SLC32A1: variants seen among roughly 807,000 people sequenced by gnomAD.
SLC32A1 encodes vesicular inhibitory amino acid transporter.
Under a neutral mutation model 35.5 loss-of-function variants are expected in SLC32A1, and 8 were observed. The ratio of observed to expected loss-of-function variants is 0.23; its 90% confidence interval spans 0.13 to 0.41. The LOEUF is 0.41. Ranked by LOEUF, SLC32A1 falls within the 10% of genes least tolerant of loss-of-function variation. SLC32A1 has a pLI of 1.00. For synonymous variants in SLC32A1, 317 were observed against 326.3 expected, an observed-to-expected ratio of 0.97 and a Z score of 0.31; for missense variants, 493 against 722.3, an observed-to-expected ratio of 0.68 and a Z score of 3.64.
Position 38,724,582 on chromosome 20 carries a change from G to C in SLC32A1, c.-143G>C, listed in dbSNP as rs1210498711. ...AGAGAGCCTCGAACGCCAGCTGCGA[G>C]GGTCATGAGCCAGAGAGCCCCGGGG... On this transcript the variant is annotated 5_prime_UTR_variant, in exon 1 of 2. Transcript: ENST00000217420. 9.8e-7 allele frequency: 1 copy of C among 1,024,958 alleles called. No individual in the cohort carries two copies. Among genetic ancestry groups the C allele is most frequent in the African/African-American group, 1.6e-5 (1 of 61,126 alleles). 63.5% of individuals were successfully genotyped at this position (1,024,958 alleles called of 1,614,324 possible).
At position 38,728,759 on chromosome 20, in the gene SLC32A1, G is replaced by T; in HGVS notation, c.*120G>T. Reference sequence around the variant, plus strand: ...GGAGGCCAAGCTTTAAACATCTCTGGTTCCTAGTTTCTGATTATTCGGGGA... The same window carrying T: ...GGAGGCCAAGCTTTAAACATCTCTGTTTCCTAGTTTCTGATTATTCGGGGA... On this transcript the variant is annotated 3_prime_UTR_variant, in exon 2 of 2. Coordinates refer to ENST00000217420, the MANE Select transcript of SLC32A1 (RefSeq NM_080552.3). 1.9e-6 allele frequency: 1 copy of T among 521,012 alleles called. No homozygotes were observed. Among genetic ancestry groups the T allele is most frequent in the South Asian group, 2.1e-5 (1 of 48,632 alleles). The allele number at this position is 521,012 out of a possible 1,614,324, so 32.3% of individuals were successfully genotyped here.
Position 38,724,774 on chromosome 20 carries a change from C to T in SLC32A1, c.50C>T (p.Ser17Phe), listed in dbSNP as rs1336592004. ...SKLSNVATSVSNKSQAKMSGM... is the reference protein window; with the variant it reads ...SKLSNVATSVFNKSQAKMSGM... Reference sequence around the variant, plus strand: ...CTGTCCAACGTGGCCACGTCCGTGTCCAACAAGTCCCAGGCCAAGATGAGC... The same window carrying T: ...CTGTCCAACGTGGCCACGTCCGTGTTCAACAAGTCCCAGGCCAAGATGAGC... Residue 17 changes from serine to phenylalanine, a missense_variant, in exon 1 of 2, where the codon TCC (serine) becomes TTC (phenylalanine). Transcript: ENST00000217420. The T allele has an allele frequency of 1.9e-6, 3 of 1,613,784 alleles. No individual in the cohort carries two copies. The highest frequency in any genetic ancestry group is 2.5e-6 in the Non-Finnish European group (3 of 1,180,016).
In SLC32A1 at chr20:38,727,715, C is replaced by T. The variant is rs779013587; in HGVS notation, c.654C>T (p.Cys218=). Residue 218 remains cysteine, a synonymous_variant, in exon 2 of 2, where the codon TGC becomes TGT. Transcript: ENST00000217420. ...AGATCATCGAGCTGGTGATGACGTGCATCCTGTACGTGGTGGTGAGTGGCA... is the reference window on the plus strand; with the variant it reads ...AGATCATCGAGCTGGTGATGACGTGTATCCTGTACGTGGTGGTGAGTGGCA... ...VAQIIELVMT[C]ILYVVVSGNL... 4.3e-6 allele frequency: 7 copies of T among 1,614,226 alleles called. No individual in the cohort carries two copies. Among genetic ancestry groups the T allele is most frequent in the Non-Finnish European group, 5.9e-6 (7 of 1,180,044 alleles).
chr20:38,725,931 C>T (rs1466739499), intron 1 of SLC32A1, among the ~76,000 whole-genome samples: 1 of 152,252 alleles, frequency 6.6e-6, no homozygotes, highest in Non-Finnish European at 1.5e-5. Flanking sequence ...TCGCCCCTCT[C>T]GCCCGAAATC....
chr20:38,724,846 C>G lies in SLC32A1; in HGVS notation c.122C>G (p.Ala41Gly). Residue 41 changes from alanine (A) to glycine (G), a missense_variant, in exon 1 of 2, where the codon GCG (alanine) becomes GGG (glycine). Transcript: ENST00000217420. The part of the protein sequence containing the change: ...MGFQAATDEE[A>G]VGFAHCDDLD... ...TTTCAGGCGGCCACGGATGAGGAGG[C>G]GGTGGGCTTCGCGCATTGCGACGAC... 1 of 1,613,926 alleles carries G rather than the reference C, an allele frequency of 6.2e-7. No homozygotes were observed. Among genetic ancestry groups the G allele is most frequent in the Non-Finnish European group, 8.5e-7 (1 of 1,179,988 alleles).
In SLC32A1 at chr20:38,726,400, C is replaced by G. The variant is rs1219646368; in HGVS notation, c.391-1052C>G. ...AGACGGCCTTGCTGGATCACGGACCCGGGGCTGCTCCCGCCTTCGCTGTGC... is the reference window on the plus strand; with the variant it reads ...AGACGGCCTTGCTGGATCACGGACCGGGGGCTGCTCCCGCCTTCGCTGTGC... On this transcript the variant is annotated intron_variant, in intron 1 of 1. Transcript: ENST00000217420. This position sits in a 1 kb window ranked among gnomAD's most constrained non-coding sequence, Gnocchi z 4.7. Among the ~76,000 whole-genome samples, 1 of 152,166 alleles carries G rather than the reference C, an allele frequency of 6.6e-6. No individual in the cohort carries two copies.
intron 1 of SLC32A1, 132 bp downstream of exon 1, chr20:38,725,246 A>C: frequency 2.5e-6 from 3 of 1,178,026 alleles, no homozygotes; most frequent in South Asian, 2.1e-5. Flanking sequence ...CCCTTTCTCC[A>C]TCCCTCCCAG....
intron 1 of SLC32A1, among the ~76,000 whole-genome samples, chr20:38,727,035 C>G: frequency 6.6e-6 from 1 of 152,148 alleles, no homozygotes; most frequent in Non-Finnish European, 1.5e-5. Flanking sequence ...CTTAGAGCCC[C>G]TTTCCGACTA....
intron 1 of SLC32A1, among the ~76,000 whole-genome samples, chr20:38,727,087 A>T (rs1320521412): frequency 6.6e-6 from 1 of 151,502 alleles, no homozygotes; most frequent in Non-Finnish European, 1.5e-5. Context: ...CCAACTCCTC[A>T]TTCTGTTCCT....
rs371391027 is a variant in SLC32A1, at chr20:38,727,908, G to A, written c.847G>A (p.Ala283Thr). The A allele has an allele frequency of 6.2e-7, 1 of 1,614,120 alleles. No individual in the cohort carries two copies. The highest frequency in any genetic ancestry group is 8.5e-7 in the Non-Finnish European group (1 of 1,180,054). Residue 283 changes from alanine to threonine, a missense_variant, in exon 2 of 2, where the codon GCC becomes ACC. This residue lies in a region of SLC32A1 where 269 missense variants were observed against 445.6 expected (regional missense o/e 0.60). Coordinates refer to ENST00000217420, the MANE Select transcript of SLC32A1 (RefSeq NM_080552.3). The stretch of plus-strand genomic sequence containing the variant: ...CTTCGTCATCAATATCCTGGTCATA[G>A]CCTACTGTCTATCGCGGGCGCGCGA... ...AHFVINILVI[A>T]YCLSRARDWA...
Position 38,724,554 on chromosome 20 carries a change from C to G in SLC32A1, c.-171C>G. 1 of 844,260 alleles carries G rather than the reference C, an allele frequency of 1.2e-6. No homozygotes were observed. The highest frequency in any genetic ancestry group is 1.8e-6 in the Non-Finnish European group (1 of 562,130). The allele number at this position is 844,260 out of a possible 1,614,324, so 52.3% of individuals were successfully genotyped here. On this transcript the variant is annotated 5_prime_UTR_variant, in exon 1 of 2. Coordinates refer to ENST00000217420, the MANE Select transcript of SLC32A1 (RefSeq NM_080552.3). ...TGCTGCCAGCTTGCCCGGTCCAGCCCTGAGAGAGCCTCGAACGCCAGCTGC... is the reference window on the plus strand; with the variant it reads ...TGCTGCCAGCTTGCCCGGTCCAGCCGTGAGAGAGCCTCGAACGCCAGCTGC...
At position 38,725,075 on chromosome 20, in the gene SLC32A1, G is replaced by T; in HGVS notation, c.351G>T (p.Thr117=). Residue 117 remains threonine (T), a synonymous_variant, in exon 1 of 2, where the codon ACG becomes ACT. Transcript: ENST00000217420. ...EFGGHDKPKI[T]AWEAGWNVTN... is the part of the protein sequence containing the mutation. ...GGGGCCACGACAAGCCCAAAATCAC[G>T]GCGTGGGAGGCAGGCTGGAACGTGA... 5.3e-6 allele frequency: 8 copies of T among 1,518,866 alleles called. No homozygotes were observed. The highest frequency in any genetic ancestry group is 6.2e-6 in the Non-Finnish European group (7 of 1,134,808). 94.1% of individuals were successfully genotyped at this position (1,518,866 alleles called of 1,614,324 possible). A position where few individuals can be genotyped will look rare whatever the true frequency, so the allele number is the denominator to read the frequency against.
chr20:38,727,805 G>T lies in SLC32A1; in HGVS notation c.744G>T (p.Thr248=), dbSNP rs1196386844. The part of the protein sequence containing the change: ...VSQKSWSIIA[T]AVLLPCAFLK... ...AGAAGTCCTGGTCCATTATCGCCAC[G>T]GCCGTGCTGCTGCCTTGCGCCTTCC... Residue 248 remains threonine, a synonymous_variant, in exon 2 of 2, where the codon ACG becomes ACT. Coordinates refer to ENST00000217420, the MANE Select transcript of SLC32A1 (RefSeq NM_080552.3). 2.5e-6 allele frequency: 4 copies of T among 1,614,072 alleles called. No homozygotes were observed. Among genetic ancestry groups the T allele is most frequent in the South Asian group, 1.1e-5 (1 of 91,080 alleles).
Position 38,728,742 on chromosome 20 carries a change from A to G in SLC32A1, c.*103A>G, listed in dbSNP as rs1361063852. The G allele has an allele frequency of 2.6e-6, 2 of 784,220 alleles. No homozygotes were observed. The highest frequency in any genetic ancestry group is 3.7e-6 in the Non-Finnish European group (2 of 540,764). The allele number at this position is 784,220 out of a possible 1,614,324, so 48.6% of individuals were successfully genotyped here. ...CCCTGCCGCCGCGCTTGGGAGGCCA[A>G]GCTTTAAACATCTCTGGTTCCTAGT... On this transcript the variant is annotated 3_prime_UTR_variant, in exon 2 of 2. Coordinates refer to ENST00000217420, the MANE Select transcript of SLC32A1 (RefSeq NM_080552.3).
At chr20:38,725,714 A>G (rs1251209501) in intron 1 of SLC32A1, among the ~76,000 whole-genome samples, 2 of 152,156 alleles carry the variant, frequency 1.3e-5, no homozygotes, top group African/African-American at 4.8e-5. Flanking sequence ...CCACAAACAA[A>G]AGCATATACC....
Position 38,724,971 on chromosome 20 carries a change from A to C in SLC32A1, c.247A>C (p.Ile83Leu), listed in dbSNP as rs376820879. Residue 83 changes from isoleucine to leucine, a missense_variant, in exon 1 of 2, where the codon ATC becomes CTC. Physicochemically the swap from Ile to Leu is conservative, Grantham distance 5. Around this residue, in one of 4 missense-constraint regions of SLC32A1, gnomAD observed 133 missense variants for 145.9 expected, o/e 0.91. Transcript: ENST00000217420. ...CGCTGAAGCGCCCGTCGAGGGAGAC[A>C]TCCATTATCAGCGAGGCAGCGGAGC... Reference protein sequence around the residue: ...EGAEAPVEGDIHYQRGSGAPL... With the variant: ...EGAEAPVEGDLHYQRGSGAPL... 21 of 1,600,244 alleles carry C rather than the reference A, an allele frequency of 1.3e-5. No individual in the cohort carries two copies. Among genetic ancestry groups the C allele is most frequent in the Non-Finnish European group, 1.7e-5 (20 of 1,172,654 alleles).
chr20:38,724,882 A>C lies in SLC32A1; in HGVS notation c.158A>C (p.Glu53Ala), dbSNP rs758842716. The C allele has an allele frequency of 6.2e-7, 1 of 1,614,002 alleles. No homozygotes were observed. The highest frequency in any genetic ancestry group is 8.5e-7 in the Non-Finnish European group (1 of 1,179,994). ...GCGCATTGCGACGACCTCGACTTTG[A>C]GCACCGCCAGGGCCTGCAGATGGAC... ...GFAHCDDLDF[E>A]HRQGLQMDIL... Residue 53 changes from glutamate to alanine, a missense_variant, in exon 1 of 2, where the codon GAG becomes GCG. Around this residue, in one of 4 missense-constraint regions of SLC32A1, gnomAD observed 133 missense variants for 145.9 expected, o/e 0.91. Coordinates refer to ENST00000217420, the MANE Select transcript of SLC32A1 (RefSeq NM_080552.3).
In SLC32A1 at chr20:38,728,030, G is replaced by A. The variant is rs147350283; in HGVS notation, c.969G>A (p.Leu323=). 46 of 1,614,034 alleles carry A rather than the reference G, an allele frequency of 2.9e-5. No homozygotes were observed. The African/African-American group carries it at 5.7e-4, about 20-fold the overall frequency. The part of the protein sequence containing the change: ...IVFSYTSQIF[L]PSLEGNMQQP... ...TCAGCTACACGTCTCAGATCTTCCT[G>A]CCTTCGCTGGAGGGCAATATGCAGC... The change falls in exon 2 of 2, where the codon CTG becomes CTA. Residue 323 remains leucine, a synonymous_variant. Transcript: ENST00000217420.
Position 38,725,030 on chromosome 20 carries a change from G to T in SLC32A1, c.306G>T (p.Val102=). 6.5e-7 allele frequency: 1 copy of T among 1,541,768 alleles called. No homozygotes were observed. Among genetic ancestry groups the T allele is most frequent in the Non-Finnish European group, 8.7e-7 (1 of 1,146,440 alleles). ...CGCCCTCCGGCTCCAAGGACCAGGT[G>T]GGAGGTGGTGGCGAATTCGGGGGCC... ...PLPPSGSKDQ[V]GGGGEFGGHD... is the part of the protein sequence containing the mutation. Residue 102 remains valine (V), a synonymous_variant, in exon 1 of 2, where the codon GTG becomes GTT. Transcript: ENST00000217420.
Sources: gnomAD v4.1 joint callset for allele counts (sites outside exome capture counted in the v4.1 genomes callset) on GRCh38, gnomAD v4.1.1 for gene constraint, gnomAD v4.1.1 regional missense constraint, Gnocchi (gnomAD v3.1) non-coding constraint, MANE v1.5 for transcripts, NCBI Gene and HGNC (gene_info 2026-07-23, HGNC 2026-07-21) for gene names.